The following ARB2A variants were observed in gnomAD, a reference collection of about 807,000 sequenced individuals.
ARB2A encodes cotranscriptional regulator ARB2A.
the ARB2A span, among the ~76,000 whole-genome samples, chr5:93,870,125 G>A: frequency 6.6e-6 from 1 of 152,228 alleles, no homozygotes; most frequent in African/African-American, 2.4e-5. Flanking sequence ...GTCTTCTATT[G>A]TTGGAAGTGG....
At chr5:94,042,132 T>G in the ARB2A span, among the ~76,000 whole-genome samples, 7 of 152,260 alleles carry the variant, frequency 4.6e-5, 1 homozygote, top group East Asian at 9.6e-4. Flanking sequence ...GGAATAAAGC[T>G]GAAGGTTTAA....
chr5:93,691,622 G>C, the ARB2A span, among the ~76,000 whole-genome samples: 1 of 152,186 alleles, frequency 6.6e-6, no homozygotes, highest in Non-Finnish European at 1.5e-5. Flanking sequence ...TTATCCAGGA[G>C]AAATTCCCCA....
the ARB2A span, among the ~76,000 whole-genome samples, chr5:93,763,310 T>C: frequency 6.6e-6 from 1 of 152,204 alleles, no homozygotes; most frequent in African/African-American, 2.4e-5. Context: ...CCATCTCACA[T>C]GCAGAGACAC....
At chr5:93,900,935 C>T in the ARB2A span, among the ~76,000 whole-genome samples, 21 of 152,160 alleles carry the variant, frequency 1.4e-4, no homozygotes, top group Non-Finnish European at 2.5e-4. Context: ...AAACCGAAAC[C>T]GACAGCACCC....
the ARB2A span, among the ~76,000 whole-genome samples, chr5:93,657,861 A>G: frequency 4.6e-5 from 7 of 152,172 alleles, no homozygotes; most frequent in African/African-American, 1.7e-4. Flanking sequence ...CTGTATTTCT[A>G]CTACACAGTA....
At chr5:93,969,249 A>C in the ARB2A span, among the ~76,000 whole-genome samples, 27 of 152,092 alleles carry the variant, frequency 1.8e-4, no homozygotes, top group Admixed American at 1.1e-3. Context: ...ATTAGAGATA[A>C]GCAGAATGAA....
the ARB2A span, among the ~76,000 whole-genome samples, chr5:93,830,692 T>C: frequency 5.3e-5 from 8 of 152,120 alleles, no homozygotes; most frequent in African/African-American, 1.9e-4. Context: ...CAACAGACTT[T>C]AGTCTCAATT....
chr5:93,664,143 T>C, the ARB2A span, among the ~76,000 whole-genome samples: 1 of 151,910 alleles, frequency 6.6e-6, no homozygotes, highest in Non-Finnish European at 1.5e-5. Context: ...GGCAGTGGTA[T>C]GATCATAGCT....
chr5:93,906,246 G>A, the ARB2A span, among the ~76,000 whole-genome samples: 2 of 151,094 alleles, frequency 1.3e-5, no homozygotes, highest in African/African-American at 4.9e-5. Flanking sequence ...TTGCATTTCT[G>A]TTTCTCCTTC....
chr5:93,946,334 G>A, the ARB2A span, among the ~76,000 whole-genome samples: 1 of 151,978 alleles, frequency 6.6e-6, no homozygotes. Context: ...CCAAAAGAGA[G>A]TACTCCAGAG....
At chr5:93,793,239 ATTT>A in the ARB2A span, among the ~76,000 whole-genome samples, 50 of 64,786 alleles carry the variant, frequency 7.7e-4, no homozygotes, top group African/African-American at 1.4e-3. Context: ...CTTCTGGCTA[ATTT>A]TTTTTTTTTT....
the ARB2A span, among the ~76,000 whole-genome samples, chr5:93,691,805 C>T: frequency 6.6e-6 from 1 of 152,148 alleles, no homozygotes; most frequent in Middle Eastern, 3.4e-3. Flanking sequence ...AAAGGGAAGC[C>T]CATCAGAGTA....
At chr5:93,892,576 TA>T in the ARB2A span, among the ~76,000 whole-genome samples, 1 of 152,100 alleles carries the variant, frequency 6.6e-6, no homozygotes, top group Non-Finnish European at 1.5e-5. Flanking sequence ...AGAAGTTCTA[TA>T]CTACCTCTGG....
the ARB2A span, among the ~76,000 whole-genome samples, chr5:93,942,467 T>C: frequency 2.0e-5 from 3 of 152,144 alleles, no homozygotes; most frequent in East Asian, 5.8e-4. Flanking sequence ...AAAATTTGTG[T>C]TTATTAAAAA....
chr5:94,095,442 C>T, the ARB2A span, among the ~76,000 whole-genome samples: 11 of 152,152 alleles, frequency 7.2e-5, no homozygotes, highest in Admixed American at 1.3e-4. Context: ...CTCTGCCCAC[C>T]GCTTATGCAC....
the ARB2A span, among the ~76,000 whole-genome samples, chr5:93,631,721 C>G: frequency 2.6e-5 from 4 of 151,426 alleles, no homozygotes; most frequent in Non-Finnish European, 4.4e-5. Context: ...GCTTTTCCTC[C>G]CAGCTTCCCC....
the ARB2A span, among the ~76,000 whole-genome samples, chr5:93,894,552 T>G: frequency 6.6e-6 from 1 of 152,106 alleles, no homozygotes; most frequent in East Asian, 1.9e-4. Flanking sequence ...GTACGTCTGA[T>G]CTCTCAAAAC....
At chr5:93,641,625 A>C in the ARB2A span, among the ~76,000 whole-genome samples, 9 of 152,334 alleles carry the variant, frequency 5.9e-5, no homozygotes, top group Non-Finnish European at 1.2e-4. Flanking sequence ...TATAGTATCA[A>C]GAAAAAGTTA....
the ARB2A span, among the ~76,000 whole-genome samples, chr5:93,939,692 ACCTTCCT>A: frequency 6.6e-6 from 1 of 152,020 alleles, no homozygotes; most frequent in Non-Finnish European, 1.5e-5. Flanking sequence ...GCCAAATGAG[ACCTTCCT>A]ACAAATATTA....
Sources: allele counts gnomAD v4.1 joint callset (sites outside exome capture counted in the v4.1 genomes callset), GRCh38; gene constraint gnomAD v4.1.1; transcripts MANE v1.5; gene names NCBI Gene and HGNC (gene_info 2026-07-23, HGNC 2026-07-21).